PAM: variants seen among roughly 807,000 people sequenced by gnomAD.
PAM encodes peptidylglycine alpha-amidating monooxygenase, also known as peptidyl-glycine alpha-amidating monooxygenase.
Under a neutral mutation model 122.1 loss-of-function variants are expected in PAM, and 72 were observed. The ratio of observed to expected loss-of-function variants is 0.59; its 90% CI spans 0.49 to 0.72. The LOEUF (loss-of-function observed/expected upper bound fraction) is 0.72. Ranked by LOEUF, PAM falls within the 30% of genes least tolerant of loss-of-function variation. PAM has a pLI of 0.00. For synonymous variants in PAM, 389 were observed against 404.4 expected, an observed-to-expected ratio of 0.96 and a Z score of 0.46; for missense variants, 1,106 against 1,183.7, an observed-to-expected ratio of 0.93 and a Z score of 0.96.
At chr5:102,757,983 A>T (rs1272545128) in intron 1 of PAM, among the ~76,000 whole-genome samples, 1 of 142,992 alleles carries the variant, frequency 7.0e-6, no homozygotes, top group Admixed American at 7.2e-5. Flanking sequence ...TTGAGGCTAT[A>T]GTGAGCTGTG....
chr5:102,977,658 G>GCACACACACA lies in PAM; in HGVS notation c.1483+3255_1483+3264dup, dbSNP rs10527378. On this transcript the variant is annotated intron_variant, in intron 15 of 25. Coordinates refer to ENST00000438793, the MANE Select transcript of PAM (RefSeq NM_001177306.2). Reference sequence around the variant, plus strand: ...CTTCCCAACACACACATGCATGTGCGCACACACACACACACACACACACAC... The same window carrying GCACACACACA: ...CTTCCCAACACACACATGCATGTGCGCACACACACACACACACACACACACACACACACAC... Among the ~76,000 whole-genome samples the GCACACACACA allele has an allele frequency of 3.5e-3, 501 of 143,040 alleles. 2 individuals carry two copies. Among genetic ancestry groups the GCACACACACA allele is most frequent in the South Asian group, 0.024 (101 of 4,248 alleles). The allele number at this position is 143,040 out of a possible 152,430, so 93.8% of individuals were successfully genotyped here.
rs374995087 is a variant in PAM at position 102,800,211 on chromosome 5, C to T, written c.-374+44863C>T. ...TCTATGCCTAGAAGCTTCTATTCTTCGATTTTTATGCATCATGTTCCTTCC... is the reference window on the plus strand; with the variant it reads ...TCTATGCCTAGAAGCTTCTATTCTTTGATTTTTATGCATCATGTTCCTTCC... On this transcript the variant is annotated intron_variant, in intron 1 of 25. Transcript: ENST00000438793. Among the ~76,000 whole-genome samples, 60 of 152,244 alleles carry T rather than the reference C, an allele frequency of 3.9e-4. No individual in the cohort carries two copies. In the South Asian group the frequency reaches 5.4e-3, roughly 14 times the overall value.
intron 16 of PAM, among the ~76,000 whole-genome samples, chr5:103,002,023 C>T (rs542118842): frequency 6.6e-6 from 1 of 152,016 alleles, no homozygotes; most frequent in South Asian, 2.1e-4. Flanking sequence ...CACATACACA[C>T]CCACACACAC....
Position 102,836,535 on chromosome 5 carries a change from C to T in PAM, c.-373-29288C>T, listed in dbSNP as rs1480133538. Among the ~76,000 whole-genome samples the T allele has an allele frequency of 3.3e-5, 5 of 152,018 alleles. No individual in the cohort carries two copies. In the East Asian group the frequency reaches 9.7e-4, roughly 29 times the overall value. ...TGTGAACCACTGAGTCCAGATGAAACATTGTTTTGAACTTTTTGGTAGGGA... is the reference window on the plus strand; with the variant it reads ...TGTGAACCACTGAGTCCAGATGAAATATTGTTTTGAACTTTTTGGTAGGGA... On this transcript the variant is annotated intron_variant, in intron 1 of 25. Coordinates refer to ENST00000438793, the MANE Select transcript of PAM (RefSeq NM_001177306.2).
intron 1 of PAM, among the ~76,000 whole-genome samples, chr5:102,849,694 G>A (rs1373337744): frequency 6.6e-6 from 1 of 152,098 alleles, no homozygotes; most frequent in Non-Finnish European, 1.5e-5. Context: ...ATTGTGATAT[G>A]AATCTATTGG....
chr5:103,006,991 T>C lies in PAM; in HGVS notation c.1994T>C (p.Phe665Ser). 1 of 1,613,008 alleles carries C rather than the reference T, an allele frequency of 6.2e-7. No individual in the cohort carries two copies. Among genetic ancestry groups the C allele is most frequent in the Non-Finnish European group, 8.5e-7 (1 of 1,179,196 alleles). Residue 665 changes from phenylalanine (F) to serine (S), a missense_variant, in exon 19 of 26, where the codon TTC becomes TCC. By Grantham distance (155) the Phe-to-Ser change is radical. Around this residue, in one of 3 missense-constraint regions of PAM, gnomAD observed 103 missense variants for 157.9 expected, o/e 0.65. Coordinates refer to ENST00000438793, the MANE Select transcript of PAM (RefSeq NM_001177306.2). ...RIVQFSPSGK[F>S]ITQWGEESSG... ...GTGCAGTTTTCACCAAGTGGAAAGT[T>C]CATCACACAGTGGGGAGAAGGTACC...
At chr5:102,820,848 ATTAAAT>A (rs1364847425) in intron 1 of PAM, among the ~76,000 whole-genome samples, 1 of 152,192 alleles carries the variant, frequency 6.6e-6, no homozygotes, top group African/African-American at 2.4e-5. Flanking sequence ...GAATAAAGGA[ATTAAAT>A]TTAAAAACAT....
At chr5:102,906,943 C>T (rs1213650970) in intron 4 of PAM, among the ~76,000 whole-genome samples, 1 of 151,634 alleles carries the variant, frequency 6.6e-6, no homozygotes, top group Non-Finnish European at 1.5e-5. Flanking sequence ...TCTTGCATAG[C>T]TTGGCTGATG....
chr5:102,950,416 G>GGGTATGTGTGTGTGTGT (rs372626572), intron 11 of PAM, among the ~76,000 whole-genome samples: 1 of 145,966 alleles, frequency 6.9e-6, no homozygotes, highest in African/African-American at 2.6e-5. Context: ...TATGTGGGTG[G>GGGTATGTGTGTGTGTGT]GTGTGTGTGT....
chr5:102,998,137 G>T (rs1000565115), intron 16 of PAM, among the ~76,000 whole-genome samples: 1 of 152,192 alleles, frequency 6.6e-6, no homozygotes, highest in African/African-American at 2.4e-5. Context: ...CCTGGAGAGG[G>T]AGGGAAACCT....
chr5:102,851,021 C>A (rs1472426457), intron 1 of PAM, among the ~76,000 whole-genome samples: 1 of 152,126 alleles, frequency 6.6e-6, no homozygotes, highest in East Asian at 1.9e-4. Context: ...TTGACTGAAT[C>A]TGCTGGAACA....
chr5:102,769,978 C>G (rs1755247145), intron 1 of PAM, among the ~76,000 whole-genome samples: 1 of 152,048 alleles, frequency 6.6e-6, no homozygotes, highest in Non-Finnish European at 1.5e-5. Flanking sequence ...TTCTTCCAAT[C>G]CATGATCATA....
intron 7 of PAM, among the ~76,000 whole-genome samples, chr5:102,934,382 G>A (rs566716636): frequency 6.6e-6 from 1 of 152,262 alleles, no homozygotes; most frequent in East Asian, 1.9e-4. Context: ...AGCACATATT[G>A]CGTTTCCAAG....
chr5:102,866,241 A>G lies in PAM; in HGVS notation c.46A>G (p.Ser16Gly). Residue 16 changes from serine (S) to glycine (G), a missense_variant, in exon 2 of 26, where the codon AGC becomes GGC. By Grantham distance (56) the Ser-to-Gly change is moderately conservative (BLOSUM62 0). Coordinates refer to ENST00000438793, the MANE Select transcript of PAM (RefSeq NM_001177306.2). ...PSLLVLLVFP[S>G]SCLAFRSPLS... Reference sequence around the variant, plus strand: ...CCTGCTAGTTCTCCTTGTTTTTCCAAGCAGCTGTTTGGCTTTCCGAAGCCC... The same window carrying G: ...CCTGCTAGTTCTCCTTGTTTTTCCAGGCAGCTGTTTGGCTTTCCGAAGCCC... The G allele has an allele frequency of 6.2e-7, 1 of 1,613,874 alleles. No homozygotes were observed. The highest frequency in any genetic ancestry group is 8.5e-7 in the Non-Finnish European group (1 of 1,179,900).
chr5:102,857,072 A>T (rs1581001955), intron 1 of PAM, among the ~76,000 whole-genome samples: 1 of 152,226 alleles, frequency 6.6e-6, no homozygotes, highest in Non-Finnish European at 1.5e-5. Flanking sequence ...CACAACACAG[A>T]TGATTTTAAA....
chr5:102,953,847 C>CTACAAAAA (rs1180664053), intron 12 of PAM, among the ~76,000 whole-genome samples: 1 of 152,098 alleles, frequency 6.6e-6, no homozygotes, highest in Non-Finnish European at 1.5e-5. Flanking sequence ...AACCCCATCT[C>CTACAAAAA]TACAAAAATA....
In PAM at chr5:102,773,364, A is replaced by G. The variant is rs1756305444; in HGVS notation, c.-374+18016A>G. Among the ~76,000 whole-genome samples the G allele has an allele frequency of 3.9e-5, 6 of 152,120 alleles. 1 individual carries two copies. The highest frequency in any genetic ancestry group is 2.6e-4 in the Admixed American group (4 of 15,254). ...AGTTAGCATACTTTTCCTGTAAAGGACCAGGTGGTAAATATTTTAGGCTTT... is the reference window on the plus strand; with the variant it reads ...AGTTAGCATACTTTTCCTGTAAAGGGCCAGGTGGTAAATATTTTAGGCTTT... On this transcript the variant is annotated intron_variant, in intron 1 of 25. Transcript: ENST00000438793.
intron 5 of PAM, among the ~76,000 whole-genome samples, chr5:102,916,141 T>TG (rs1803020938): frequency 6.6e-6 from 1 of 152,142 alleles, no homozygotes; most frequent in Non-Finnish European, 1.5e-5. Flanking sequence ...ATGGAGTTCT[T>TG]GTCTTCATTT....
intron 19 of PAM, 47 bp downstream of exon 19, chr5:103,007,058 TC>T: frequency 7.4e-7 from 1 of 1,360,104 alleles, no homozygotes; most frequent in Non-Finnish European, 1.0e-6. Context: ...TTAGCCAGTA[TC>T]ACTGGGAACT....
Sources: allele counts gnomAD v4.1 joint callset (sites outside exome capture counted in the v4.1 genomes callset), GRCh38; gene constraint gnomAD v4.1.1; regional missense constraint gnomAD v4.1.1; transcripts MANE v1.5; gene names NCBI Gene and HGNC (gene_info 2026-07-23, HGNC 2026-07-21).